The following LRP1B variants were observed in gnomAD, a reference collection of about 807,000 sequenced individuals.
The protein encoded by LRP1B is low-density lipoprotein receptor-related protein 1B.
A neutral mutation model predicts 556.6 loss-of-function variants in LRP1B; 217 were observed. The ratio of observed to expected loss-of-function variants is 0.39; its 90% CI spans 0.35 to 0.44. The LOEUF is 0.44. LRP1B is among the 20% of genes least tolerant of loss of function. The pLI is 1.00. For missense variants in LRP1B, 5,053 were observed against 5,620.8 expected (o/e 0.90, Z 3.23); for synonymous variants, 2,047 against 1,865.8 (o/e 1.10, Z -2.50).
At position 140,748,776 on chromosome 2, in the gene LRP1B, ATG is replaced by A. The variant is rs367625762; in HGVS notation, c.5758+20435_5758+20436del. ...TATATATTATATACATGTATATAAT[ATG>A]TATATAATATATATTATATACATAT... On this transcript the variant is annotated intron_variant, in intron 35 of 90. Coordinates refer to ENST00000389484, the MANE Select transcript of LRP1B (RefSeq NM_018557.3). 1.6e-4 allele frequency among the ~76,000 whole-genome samples: 8 copies of A among 50,688 alleles called. 1 individual carries two copies. The highest frequency in any genetic ancestry group is 4.1e-4 in the African/African-American group (7 of 17,242). 33.3% of individuals were successfully genotyped at this position (50,688 alleles called of 152,430 possible).
At chr2:141,204,447 C>T (rs112866839) in intron 6 of LRP1B, among the ~76,000 whole-genome samples, 7 of 152,190 alleles carry the variant, frequency 4.6e-5, no homozygotes, top group African/African-American at 1.7e-4. Context: ...TTATGGTCCT[C>T]CACCTCAGAT....
rs984475139 is a variant in LRP1B at position 140,601,652 on chromosome 2, G to T, written c.6800-13C>A. 53 of 1,522,550 alleles carry T rather than the reference G, an allele frequency of 3.5e-5. No individual in the cohort carries two copies. Among genetic ancestry groups the T allele is most frequent in the Non-Finnish European group, 4.2e-5 (48 of 1,130,128 alleles). 94.3% of individuals were successfully genotyped at this position (1,522,550 alleles called of 1,614,324 possible). A position where few individuals can be genotyped will look rare whatever the true frequency, so the allele number is the denominator to read the frequency against. On this transcript the variant is annotated splice_polypyrimidine_tract_variant and intron_variant, in intron 41 of 90. Transcript: ENST00000389484. ...ACAGAACCCACATCTAGTGGGGGAAGAAAAAGAAAAAATATATACTTTTAT... is the reference window on the plus strand; with the variant it reads ...ACAGAACCCACATCTAGTGGGGGAATAAAAAGAAAAAATATATACTTTTAT...
chr2:140,748,290 G>T (rs1453427511), intron 35 of LRP1B, among the ~76,000 whole-genome samples: 1 of 118,542 alleles, frequency 8.4e-6, no homozygotes, highest in Non-Finnish European at 1.7e-5. Flanking sequence ...GTTCATATAT[G>T]TATATATATT....
At chr2:142,053,326 A>G (rs1465174762) in intron 1 of LRP1B, among the ~76,000 whole-genome samples, 2 of 152,170 alleles carry the variant, frequency 1.3e-5, no homozygotes, top group African/African-American at 2.4e-5. Flanking sequence ...CAGAGCACAC[A>G]TAGCTATTTC....
intron 62 of LRP1B, among the ~76,000 whole-genome samples, chr2:140,453,602 A>T (rs1686968639): frequency 6.6e-6 from 1 of 152,118 alleles, no homozygotes; most frequent in Admixed American, 6.5e-5. Flanking sequence ...GGTAAAGTTT[A>T]GTTGAAACAA....
Position 141,247,342 on chromosome 2 carries a change from C to G in LRP1B, c.476G>C (p.Cys159Ser), listed in dbSNP as rs2105327731. ...DGRSCKDQDE[C>S]AVYGTCSQTC... ...CTGGCTGCATGTACCATAAACAGCA[C>G]ATTCATCTTGATCTAAAAAGGAAAA... Residue 159 changes from cysteine (C) to serine (S), a missense_variant, in exon 5 of 91, where the codon TGT (cysteine) becomes TCT (serine). This residue lies in a region of LRP1B where 3,619 missense variants were observed against 3,931.9 expected (regional missense o/e 0.92). Transcript: ENST00000389484. 1 of 1,613,550 alleles carries G rather than the reference C, an allele frequency of 6.2e-7. No individual in the cohort carries two copies. Among genetic ancestry groups the G allele is most frequent in the Non-Finnish European group, 8.5e-7 (1 of 1,179,660 alleles).
At chr2:140,380,595 T>C (rs1441872206) in intron 67 of LRP1B, among the ~76,000 whole-genome samples, 1 of 152,162 alleles carries the variant, frequency 6.6e-6, no homozygotes, top group Non-Finnish European at 1.5e-5. Flanking sequence ...ATTTAAAACA[T>C]GTCGTGCTTA....
At chr2:141,478,181 G>T (rs1682781960) in intron 3 of LRP1B, among the ~76,000 whole-genome samples, 1 of 152,094 alleles carries the variant, frequency 6.6e-6, no homozygotes, top group South Asian at 2.1e-4. Context: ...CCCCTTTTAT[G>T]CTATTAACAT....
At chr2:141,271,771 G>GA (rs11326474) in intron 3 of LRP1B, among the ~76,000 whole-genome samples, 26,443 of 137,960 alleles carry the variant, frequency 0.19, 2,554 homozygotes, top group South Asian at 0.27. Flanking sequence ...GAAACCATAT[G>GA]AAAAAAAAAA....
chr2:140,459,338 C>G (rs1687224638), intron 60 of LRP1B, among the ~76,000 whole-genome samples: 1 of 151,858 alleles, frequency 6.6e-6, no homozygotes, highest in Non-Finnish European at 1.5e-5. Flanking sequence ...ATGTAGATTT[C>G]AAGATTTTTA....
At chr2:142,107,397 T>C (rs908634130) in intron 1 of LRP1B, among the ~76,000 whole-genome samples, 1 of 152,082 alleles carries the variant, frequency 6.6e-6, no homozygotes, top group African/African-American at 2.4e-5. Context: ...ATGAGTTTGG[T>C]CCCCTTCTGT....
At chr2:140,385,144 T>C (rs1683702165) in intron 67 of LRP1B, among the ~76,000 whole-genome samples, 1 of 151,918 alleles carries the variant, frequency 6.6e-6, no homozygotes, top group Non-Finnish European at 1.5e-5. Flanking sequence ...AGCTGGAAGG[T>C]TGAGGTGGGA....
At chr2:141,292,471 C>A (rs934866447) in intron 3 of LRP1B, among the ~76,000 whole-genome samples, 1 of 151,804 alleles carries the variant, frequency 6.6e-6, no homozygotes, top group Non-Finnish European at 1.5e-5. Context: ...GAAGAGCTCA[C>A]CAAATCTAAA....
intron 41 of LRP1B, among the ~76,000 whole-genome samples, chr2:140,610,450 C>G (rs1466682583): frequency 6.6e-6 from 1 of 152,098 alleles, no homozygotes; most frequent in Non-Finnish European, 1.5e-5. Flanking sequence ...ATGCCCAAGA[C>G]CTAATATATC....
Position 142,045,247 on chromosome 2 carries a change from T to C in LRP1B, c.82+85401A>G, listed in dbSNP as rs187186974. Among the ~76,000 whole-genome samples, 70 of 151,890 alleles carry C rather than the reference T, an allele frequency of 4.6e-4. No individual in the cohort carries two copies. The East Asian group carries it at 0.013, about 29-fold the overall frequency. On this transcript the variant is annotated intron_variant, in intron 1 of 90. Coordinates refer to ENST00000389484, the MANE Select transcript of LRP1B (RefSeq NM_018557.3). ...ATTCCCACAGTGCTTCAGGATTGTC[T>C]TTTAGATTTCTACTTTTAAATCACT...
intron 49 of LRP1B, among the ~76,000 whole-genome samples, chr2:140,520,220 T>C (rs1309471341): frequency 6.6e-6 from 1 of 152,126 alleles, no homozygotes; most frequent in Non-Finnish European, 1.5e-5. Context: ...TGTCCATCAA[T>C]GATAGACTGG....
intron 7 of LRP1B, among the ~76,000 whole-genome samples, chr2:141,163,290 CT>C (rs1475254210): frequency 1.2e-4 from 19 of 152,088 alleles, no homozygotes; most frequent in Non-Finnish European, 1.3e-4. Context: ...TATTTATAAA[CT>C]TTTTTTCTGT....
In LRP1B at chr2:141,188,530, G is replaced by C. The variant is rs749502350; in HGVS notation, c.904C>G (p.His302Asp). 6.2e-6 allele frequency: 10 copies of C among 1,612,688 alleles called. 1 individual carries two copies. In the South Asian group the frequency reaches 6.6e-5, roughly 11 times the overall value. ...WLTRNLYFVD[H>D]VGDRIFVCNS... Reference sequence around the variant, plus strand: ...CAAACAAAGATCCGGTCACCGACATGGTCCACAAAATAGAGATTTCGAGTG... The same window carrying C: ...CAAACAAAGATCCGGTCACCGACATCGTCCACAAAATAGAGATTTCGAGTG... The change falls in exon 7 of 91, where the codon CAT (histidine) becomes GAT (aspartate). Residue 302 changes from histidine to aspartate, a missense_variant. His to Asp is a moderately conservative substitution (Grantham distance 81). Around this residue, in one of 5 missense-constraint regions of LRP1B, gnomAD observed 3,619 missense variants for 3,931.9 expected, o/e 0.92. Coordinates refer to ENST00000389484, the MANE Select transcript of LRP1B (RefSeq NM_018557.3).
chr2:140,249,191 G>A (rs183511157), intron 86 of LRP1B, among the ~76,000 whole-genome samples: 238 of 151,698 alleles, frequency 1.6e-3, no homozygotes, highest in African/African-American at 5.6e-3. Context: ...AGAATTAGAA[G>A]ATTAAATGCT....
Sources: gnomAD v4.1 joint callset for allele counts (sites outside exome capture counted in the v4.1 genomes callset) on GRCh38, gnomAD v4.1.1 for gene constraint, gnomAD v4.1.1 regional missense constraint, MANE v1.5 for transcripts, NCBI Gene and HGNC (gene_info 2026-07-23, HGNC 2026-07-21) for gene names.